PITPNC1: variants seen among roughly 807,000 people sequenced by gnomAD.
PITPNC1 encodes cytoplasmic phosphatidylinositol transfer protein 1.
PITPNC1 carries 18 observed loss-of-function variants against 44.7 expected under a neutral mutation model. The observed-to-expected ratio is 0.40, with a 90% CI of 0.28 to 0.60. The LOEUF (loss-of-function observed/expected upper bound fraction) is 0.60, where lower values mean the gene tolerates loss of function less well. Ranked by LOEUF, PITPNC1 falls within the 20% of genes least tolerant of loss-of-function variation. The pLI is 0.39. For missense variants in PITPNC1, 290 were observed against 418.4 expected (o/e 0.69, Z 2.68); for synonymous variants, 141 against 149.6 (o/e 0.94, Z 0.42).
At chr17:67,425,515 C>T (rs1412477489) in intron 1 of PITPNC1, among the ~76,000 whole-genome samples, 2 of 108,914 alleles carry the variant, frequency 1.8e-5, no homozygotes, top group Middle Eastern at 4.9e-3. Context: ...TTCGCTATTT[C>T]TTTTCTTTCT....
intron 8 of PITPNC1, among the ~76,000 whole-genome samples, chr17:67,688,872 G>C (rs2042870124): frequency 1.3e-5 from 2 of 152,166 alleles, no homozygotes; most frequent in Non-Finnish European, 2.9e-5. Context: ...CCCTTGGCTT[G>C]GCTTTCTTTC....
intron 6 of PITPNC1, among the ~76,000 whole-genome samples, chr17:67,635,171 G>A (rs1567751630): frequency 6.6e-6 from 1 of 152,206 alleles, no homozygotes; most frequent in African/African-American, 2.4e-5. Context: ...GAATGGACTG[G>A]AGAAGAACAG....
intron 4 of PITPNC1, among the ~76,000 whole-genome samples, chr17:67,572,381 G>A (rs1200122912): frequency 6.8e-6 from 1 of 146,966 alleles, no homozygotes; most frequent in Non-Finnish European, 1.5e-5. Flanking sequence ...ATTCCTAGTG[G>A]AAGCAAAAGT....
intron 1 of PITPNC1, among the ~76,000 whole-genome samples, chr17:67,507,731 G>A (rs1176377182): frequency 6.6e-6 from 1 of 150,698 alleles, no homozygotes; most frequent in African/African-American, 2.4e-5. Flanking sequence ...GTTATTGAAG[G>A]CTGGGAGACC....
chr17:67,447,089 C>CAAAAA (rs749024248), intron 1 of PITPNC1, among the ~76,000 whole-genome samples: 1,986 of 35,350 alleles, frequency 0.056, 345 homozygotes, highest in Non-Finnish European at 0.085. Flanking sequence ...GACTCTGTCT[C>CAAAAA]AAAAAAAAAA....
chr17:67,623,578 T>A (rs923403143), intron 5 of PITPNC1, among the ~76,000 whole-genome samples: 3 of 152,286 alleles, frequency 2.0e-5, no homozygotes, highest in Non-Finnish European at 4.4e-5. Flanking sequence ...GAGACGGGGT[T>A]TCATCATGTT....
At chr17:67,544,336 CCTTTT>C (rs1252129370) in intron 2 of PITPNC1, among the ~76,000 whole-genome samples, 2 of 152,192 alleles carry the variant, frequency 1.3e-5, no homozygotes, top group East Asian at 1.9e-4. Context: ...TCTTTTGTCA[CCTTTT>C]CTTTTCACTT....
At chr17:67,380,083 T>C (rs2037935070) in intron 1 of PITPNC1, among the ~76,000 whole-genome samples, 1 of 151,596 alleles carries the variant, frequency 6.6e-6, no homozygotes, top group African/African-American at 2.4e-5. Flanking sequence ...CTTTTCTTTT[T>C]TTTTTTTTTG....
At chr17:67,679,787 A>C (rs1381912120) in intron 8 of PITPNC1, among the ~76,000 whole-genome samples, 1 of 152,224 alleles carries the variant, frequency 6.6e-6, no homozygotes, top group Non-Finnish European at 1.5e-5. Flanking sequence ...CTAGAACGCT[A>C]ATCAGAGAAA....
chr17:67,397,577 T>C (rs2038238561), intron 1 of PITPNC1, among the ~76,000 whole-genome samples: 1 of 152,154 alleles, frequency 6.6e-6, no homozygotes, highest in South Asian at 2.1e-4. Context: ...TCCAGGCTTA[T>C]GTTGCTCTCT....
intron 4 of PITPNC1, among the ~76,000 whole-genome samples, chr17:67,569,131 A>G (rs2041019478): frequency 6.6e-6 from 1 of 152,122 alleles, no homozygotes; most frequent in Non-Finnish European, 1.5e-5. Flanking sequence ...AGCACCACCC[A>G]GAAACTGACT....
At chr17:67,589,179 T>G (rs2041358771) in intron 5 of PITPNC1, among the ~76,000 whole-genome samples, 1 of 152,220 alleles carries the variant, frequency 6.6e-6, no homozygotes, top group Non-Finnish European at 1.5e-5. Flanking sequence ...ATGTGGCCAC[T>G]GCTATTTGTG....
intron 1 of PITPNC1, among the ~76,000 whole-genome samples, chr17:67,504,159 G>T (rs1214462319): frequency 6.6e-6 from 1 of 152,120 alleles, no homozygotes; most frequent in Non-Finnish European, 1.5e-5. Flanking sequence ...CTATTTTGGG[G>T]TATTGCTTTC....
chr17:67,591,515 T>C (rs2144257147), intron 5 of PITPNC1, among the ~76,000 whole-genome samples: 1 of 152,298 alleles, frequency 6.6e-6, no homozygotes, highest in Non-Finnish European at 1.5e-5. Context: ...CTGAAATATC[T>C]AGAGGTCAAG....
chr17:67,499,589 A>G (rs1423972764), intron 1 of PITPNC1, among the ~76,000 whole-genome samples: 1 of 152,244 alleles, frequency 6.6e-6, no homozygotes. Context: ...CCTACTTCCT[A>G]CTGCCCAGAG....
intron 1 of PITPNC1, among the ~76,000 whole-genome samples, chr17:67,431,426 G>T (rs1425088836): frequency 6.6e-6 from 1 of 152,110 alleles, no homozygotes; most frequent in East Asian, 1.9e-4. Flanking sequence ...CGCTGAGTCA[G>T]CCTCTGTATA....
chr17:67,544,654 T>C (rs1441938291), intron 2 of PITPNC1, among the ~76,000 whole-genome samples: 2 of 152,284 alleles, frequency 1.3e-5, no homozygotes, highest in African/African-American at 4.8e-5. Flanking sequence ...TCCTGGCCTC[T>C]GATGGCTTTG....
intron 1 of PITPNC1, among the ~76,000 whole-genome samples, chr17:67,399,249 G>A (rs987649833): frequency 6.6e-6 from 1 of 152,014 alleles, no homozygotes; most frequent in Non-Finnish European, 1.5e-5. Flanking sequence ...TCCTGACCTT[G>A]TGATCTGCTC....
In PITPNC1 at chr17:67,378,141, C is replaced by T; in HGVS notation, c.-14C>T. Reference sequence around the variant, plus strand: ...CCCCGCTTCCCGCCCCGGGGGTCCGCGGCCGGCAGGACCATGCTGCTGAAA... The same window carrying T: ...CCCCGCTTCCCGCCCCGGGGGTCCGTGGCCGGCAGGACCATGCTGCTGAAA... On this transcript the variant is annotated 5_prime_UTR_variant, in exon 1 of 9. Transcript: ENST00000581322. 1.3e-6 allele frequency: 2 copies of T among 1,529,714 alleles called. No homozygotes were observed. The highest frequency in any genetic ancestry group is 1.8e-6 in the Non-Finnish European group (2 of 1,140,078). The allele number at this position is 1,529,714 out of a possible 1,614,324, so 94.8% of individuals were successfully genotyped here.
Sources: gnomAD v4.1 joint callset for allele counts (sites outside exome capture counted in the v4.1 genomes callset) on GRCh38, gnomAD v4.1.1 for gene constraint, MANE v1.5 for transcripts, NCBI Gene and HGNC (gene_info 2026-07-23, HGNC 2026-07-21) for gene names.